Variants in IGF2BP3 observed in about 807,000 individuals in gnomAD.
IGF2BP3 encodes insulin like growth factor 2 mRNA binding protein 3.
IGF2BP3 carries 9 observed loss-of-function variants against 73.8 expected under a neutral mutation model. The ratio of observed to expected loss-of-function variants is 0.12; its 90% CI spans 0.07 to 0.21. IGF2BP3 has a LOEUF of 0.21. Ranked by LOEUF, IGF2BP3 falls within the 10% of genes least tolerant of loss-of-function variation. IGF2BP3 has a pLI of 1.00. For synonymous variants in IGF2BP3, 258 were observed against 256.7 expected (o/e 1.01, Z -0.05); for missense variants, 542 against 714.0 (o/e 0.76, Z 2.75).
At chr7:23,338,072 A>G (rs1554314706) in intron 10 of IGF2BP3, among the ~76,000 whole-genome samples, 1 of 152,182 alleles carries the variant, frequency 6.6e-6, no homozygotes, top group Non-Finnish European at 1.5e-5. Context: ...TGATACATGT[A>G]GTATGCCAAA....
intron 2 of IGF2BP3, among the ~76,000 whole-genome samples, chr7:23,464,632 C>A (rs1441332990): frequency 6.6e-6 from 1 of 150,870 alleles, no homozygotes; most frequent in Non-Finnish European, 1.5e-5. Context: ...TGCAGTGAGC[C>A]GAGATCGTGC....
chr7:23,441,478 C>G (rs1475140907), intron 2 of IGF2BP3, among the ~76,000 whole-genome samples: 1 of 146,564 alleles, frequency 6.8e-6, no homozygotes, highest in African/African-American at 2.5e-5. Flanking sequence ...GAGGCTGAGG[C>G]AGGAGAATCG....
At chr7:23,467,592 AAAAAC>A (rs1290476968) in intron 2 of IGF2BP3, among the ~76,000 whole-genome samples, 1 of 152,232 alleles carries the variant, frequency 6.6e-6, no homozygotes, top group Non-Finnish European at 1.5e-5. Flanking sequence ...GAAGGTTTTA[AAAAAC>A]AAAACAAAAC....
At chr7:23,402,162 CT>C (rs1237036807) in intron 3 of IGF2BP3, 3 of 152,122 alleles carry the variant, frequency 2.0e-5, no homozygotes, top group Admixed American at 1.3e-4. Context: ...CCAAAACCAC[CT>C]GCTTAATACA....
intron 3 of IGF2BP3, among the ~76,000 whole-genome samples, chr7:23,403,903 G>A (rs541402736): frequency 1.4e-4 from 22 of 151,950 alleles, no homozygotes; most frequent in Non-Finnish European, 2.4e-4. Context: ...GAGGAGGATC[G>A]CTTAAGCTCA....
chr7:23,326,228 CAAAT>C (rs1269091247), intron 10 of IGF2BP3, among the ~76,000 whole-genome samples: 7 of 152,120 alleles, frequency 4.6e-5, no homozygotes, highest in African/African-American at 9.7e-5. Flanking sequence ...AGGAAAAAAA[CAAAT>C]AACCCCATCA....
intron 2 of IGF2BP3, among the ~76,000 whole-genome samples, chr7:23,429,890 C>T (rs1022762920): frequency 5.3e-5 from 8 of 152,164 alleles, no homozygotes; most frequent in African/African-American, 1.9e-4. Flanking sequence ...CCTGTAAGTC[C>T]TGGATGCACC....
Position 23,337,721 on chromosome 7 carries a change from A to C in IGF2BP3, c.1203+4343T>G, listed in dbSNP as rs558528269. On this transcript the variant is annotated intron_variant, in intron 10 of 14. Coordinates refer to ENST00000258729, the MANE Select transcript of IGF2BP3 (RefSeq NM_006547.3). ...ATCCTTTATCCTTTTTTCAGTTTGA[A>C]ATGAGGTCTCACCACATTGCCCAGG... 1.7e-4 allele frequency among the ~76,000 whole-genome samples: 26 copies of C among 152,264 alleles called. 1 individual carries two copies. The highest frequency in any genetic ancestry group is 5.5e-4 in the African/African-American group (23 of 41,546).
intron 2 of IGF2BP3, among the ~76,000 whole-genome samples, chr7:23,456,713 C>T (rs1302154046): frequency 3.3e-5 from 5 of 151,002 alleles, no homozygotes; most frequent in African/African-American, 7.3e-5. Flanking sequence ...TTGAAAGAAG[C>T]TCTTTGTTGT....
intron 10 of IGF2BP3, among the ~76,000 whole-genome samples, chr7:23,321,200 G>A (rs1027246665): frequency 3.3e-5 from 5 of 152,206 alleles, no homozygotes; most frequent in African/African-American, 1.2e-4. Context: ...AGTGGGCGCA[G>A]GTCAGTGGGT....
intron 3 of IGF2BP3, among the ~76,000 whole-genome samples, chr7:23,371,241 G>A (rs956897943): frequency 5.9e-5 from 9 of 151,882 alleles, no homozygotes; most frequent in African/African-American, 2.2e-4. Context: ...GAGTCACCTT[G>A]ACTACTACTC....
At chr7:23,382,983 G>A (rs1715912941) in intron 3 of IGF2BP3, among the ~76,000 whole-genome samples, 1 of 151,402 alleles carries the variant, frequency 6.6e-6, no homozygotes, top group Non-Finnish European at 1.5e-5. Context: ...TGAGGCAGGA[G>A]GATCATTTGA....
At chr7:23,467,333 C>A (rs2128552960) in intron 2 of IGF2BP3, among the ~76,000 whole-genome samples, 1 of 152,282 alleles carries the variant, frequency 6.6e-6, no homozygotes, top group African/African-American at 2.4e-5. Context: ...GCATAGCAAA[C>A]CCTCCTGCTC....
intron 2 of IGF2BP3, among the ~76,000 whole-genome samples, chr7:23,419,631 C>G (rs532999906): frequency 7.2e-5 from 11 of 152,310 alleles, no homozygotes; most frequent in African/African-American, 2.6e-4. Context: ...GCAGGTGGAT[C>G]ACTTGAGGTC....
At chr7:23,397,585 A>G (rs1476758445) in intron 3 of IGF2BP3, among the ~76,000 whole-genome samples, 1 of 152,242 alleles carries the variant, frequency 6.6e-6, no homozygotes, top group Non-Finnish European at 1.5e-5. Context: ...GCCTCCTTCT[A>G]TCTTGTCATC....
At chr7:23,448,353 C>T (rs1389641603) in intron 2 of IGF2BP3, among the ~76,000 whole-genome samples, 1 of 152,048 alleles carries the variant, frequency 6.6e-6, no homozygotes, top group East Asian at 1.9e-4. Flanking sequence ...TCATTTCATC[C>T]TCCTCATGTG....
intron 3 of IGF2BP3, among the ~76,000 whole-genome samples, chr7:23,364,895 G>A (rs1280495698): frequency 2.0e-5 from 3 of 151,782 alleles, no homozygotes; most frequent in Admixed American, 6.6e-5. Flanking sequence ...GACCAGACAC[G>A]GTGGCTCACT....
chr7:23,366,101 A>G (rs1411023402), intron 3 of IGF2BP3: 3 of 152,124 alleles, frequency 2.0e-5, no homozygotes, highest in African/African-American at 7.2e-5. Flanking sequence ...TTCTATTCCT[A>G]AGAATAGATA....
chr7:23,423,064 T>G (rs559539474), intron 2 of IGF2BP3, among the ~76,000 whole-genome samples: 2 of 152,336 alleles, frequency 1.3e-5, no homozygotes, highest in South Asian at 4.1e-4. Context: ...CGTGAGCCGC[T>G]GCGCCCAGCC....
Sources: gnomAD v4.1 joint callset for allele counts (sites outside exome capture counted in the v4.1 genomes callset) on GRCh38, gnomAD v4.1.1 for gene constraint, MANE v1.5 for transcripts, NCBI Gene and HGNC (gene_info 2026-07-23, HGNC 2026-07-21) for gene names.